The following CDKL5 variants were observed in gnomAD, a reference collection of about 807,000 sequenced individuals.
CDKL5 encodes the protein cyclin dependent kinase like 5.
CDKL5 carries 8 observed loss-of-function variants against 61.7 expected under a neutral mutation model. That is an observed-to-expected ratio of 0.13 (90% CI 0.08 to 0.23). CDKL5 has a LOEUF of 0.23. CDKL5 is among the 10% of genes least tolerant of loss of function. The pLI, the probability that CDKL5 is intolerant of heterozygous loss-of-function variation, is 1.00. For missense variants in CDKL5, 440 were observed against 734.5 expected (o/e 0.60, Z 4.63); for synonymous variants, 275 against 272.3 (o/e 1.01, Z -0.10).
chrX:18,572,452 T>C (rs752925799), intron 4 of CDKL5, among the ~76,000 whole-genome samples: 58 of 112,255 alleles, frequency 5.2e-4, no homozygotes, highest in Non-Finnish European at 1.1e-3. Flanking sequence ...TTATTTTTAT[T>C]TAGGTATTTG....
chrX:18,597,297 T>G (rs1926028013), intron 10 of CDKL5, among the ~76,000 whole-genome samples: 1 of 110,484 alleles, frequency 9.1e-6, no homozygotes. Context: ...AAGAGAAATA[T>G]TCTCTTTGCC....
At chrX:18,491,340 C>T (rs1921989197) in intron 1 of CDKL5, among the ~76,000 whole-genome samples, 1 of 111,768 alleles carries the variant, frequency 8.9e-6, no homozygotes, top group South Asian at 3.7e-4. Context: ...ACTTGGAGAT[C>T]GTCCAACTGA....
intron 8 of CDKL5, among the ~76,000 whole-genome samples, chrX:18,587,080 A>G (rs181867479): frequency 3.9e-4 from 44 of 112,005 alleles, no homozygotes; most frequent in Non-Finnish European, 7.0e-4. Context: ...ATTTCTTTCC[A>G]TATTCTTTTT....
intron 3 of CDKL5, among the ~76,000 whole-genome samples, chrX:18,513,082 C>T (rs1922884727): frequency 8.9e-6 from 1 of 111,790 alleles, no homozygotes; most frequent in South Asian, 3.7e-4. Context: ...ATATATTACA[C>T]ATCATGTACA....
chrX:18,565,766 A>G (rs1296069963), intron 4 of CDKL5, among the ~76,000 whole-genome samples: 1 of 112,439 alleles, frequency 8.9e-6, no homozygotes, highest in African/African-American at 3.2e-5. Context: ...GAACTTTAGC[A>G]GTCATTGTAT....
intron 3 of CDKL5, among the ~76,000 whole-genome samples, chrX:18,539,467 G>T (rs1923948999): frequency 9.0e-6 from 1 of 111,706 alleles, no homozygotes; most frequent in Non-Finnish European, 1.9e-5. Context: ...TTTGACCCAT[G>T]GATTATTTAG....
intron 3 of CDKL5, among the ~76,000 whole-genome samples, chrX:18,524,764 G>T (rs1399961433): frequency 8.9e-6 from 1 of 111,797 alleles, no homozygotes; most frequent in Non-Finnish European, 1.9e-5. Flanking sequence ...GATCCATTTT[G>T]ATTTAGTTTT....
At position 18,558,993 on chromosome X, in the gene CDKL5, A is replaced by G. The variant is rs539014129; in HGVS notation, c.100-5484A>G. Reference sequence around the variant, plus strand: ...CCAGAATGCCACGAGGTAAACAGCTAATGAATGGCATGTGCTCTTCTGGCT... The same window carrying G: ...CCAGAATGCCACGAGGTAAACAGCTGATGAATGGCATGTGCTCTTCTGGCT... On this transcript the variant is annotated intron_variant, in intron 3 of 17. Transcript: ENST00000623535. 7.1e-5 allele frequency among the ~76,000 whole-genome samples: 8 copies of G among 112,499 alleles called. No homozygotes were observed. In the South Asian group the frequency reaches 1.8e-3, roughly 26 times the overall value.
intron 21 of CDKL5, among the ~76,000 whole-genome samples, chrX:18,652,787 C>T (rs898500027): frequency 8.9e-6 from 1 of 112,625 alleles, no homozygotes; most frequent in Non-Finnish European, 1.9e-5. Context: ...CTCATTTCAC[C>T]CTTAGGGAAA....
intron 16 of CDKL5, among the ~76,000 whole-genome samples, chrX:18,624,421 T>A (rs1170017695): frequency 8.9e-6 from 1 of 112,502 alleles, no homozygotes; most frequent in Non-Finnish European, 1.9e-5. Flanking sequence ...GCTAACAGGC[T>A]CCATGAAAAA....
At chrX:18,642,125 G>A (rs61753173), downstream of CDKL5, 8 of 1,211,890 alleles carry the variant, frequency 6.6e-6, no homozygotes, top group East Asian at 5.9e-5. Context: ...GTTCTGAACC[G>A]TGGAGGTGCG....
intron 1 of CDKL5, among the ~76,000 whole-genome samples, chrX:18,495,897 C>T: frequency 8.9e-6 from 1 of 111,948 alleles, no homozygotes; most frequent in East Asian, 2.8e-4. Flanking sequence ...TAATACTTGT[C>T]ACTGTCTGAA....
intron 3 of CDKL5, among the ~76,000 whole-genome samples, chrX:18,531,060 T>C (rs1291895110): frequency 8.9e-6 from 1 of 112,001 alleles, no homozygotes; most frequent in Non-Finnish European, 1.9e-5. Context: ...CTCATTCTTC[T>C]GTAAGACCTG....
chrX:18,472,120 TCTAA>T (rs1330285649), intron 1 of CDKL5, among the ~76,000 whole-genome samples: 2 of 112,289 alleles, frequency 1.8e-5, no homozygotes, highest in Admixed American at 9.5e-5. Flanking sequence ...ATTCATTCTG[TCTAA>T]CTATATTTTT....
intron 1 of CDKL5, among the ~76,000 whole-genome samples, chrX:18,495,452 C>T (rs1922133754): frequency 8.9e-6 from 1 of 112,013 alleles, no homozygotes; most frequent in African/African-American, 3.2e-5. Flanking sequence ...GAGTCAAATC[C>T]AACCTAAAAT....
At chrX:18,506,054 A>G (rs759008427) in intron 1 of CDKL5, among the ~76,000 whole-genome samples, 19 of 112,968 alleles carry the variant, frequency 1.7e-4, no homozygotes, top group Non-Finnish European at 3.2e-4. Context: ...AAAAAATTAT[A>G]TGGGTTATAA....
chrX:18,510,083 G>C (rs903651331), intron 2 of CDKL5, among the ~76,000 whole-genome samples: 4 of 110,795 alleles, frequency 3.6e-5, no homozygotes, highest in Non-Finnish European at 7.6e-5. Context: ...TTCTAGAACA[G>C]ATAATGTATT....
Position 18,585,629 on chromosome X carries a change from G to A in CDKL5, c.554+1276G>A, listed in dbSNP as rs772729650. 1.4e-4 allele frequency among the ~76,000 whole-genome samples: 16 copies of A among 111,405 alleles called. No homozygotes were observed. In the South Asian group the frequency reaches 5.2e-3, roughly 37 times the overall value. On this transcript the variant is annotated intron_variant, in intron 8 of 17. Coordinates refer to ENST00000623535, the MANE Select transcript of CDKL5 (RefSeq NM_001323289.2). ...TTCTGATAAGGTTCTTTTCTTTTTA[G>A]TACATTTTAACTTTAAAGCCTAAGA...
intron 20 of CDKL5, among the ~76,000 whole-genome samples, chrX:18,649,008 A>G (rs1217802470): frequency 2.9e-5 from 3 of 103,368 alleles, no homozygotes. Context: ...TGATCACACC[A>G]CTGCATTCCA....
Sources: gnomAD v4.1 joint callset for allele counts (sites outside exome capture counted in the v4.1 genomes callset) on GRCh38, gnomAD v4.1.1 for gene constraint, MANE v1.5 for transcripts, NCBI Gene and HGNC (gene_info 2026-07-23, HGNC 2026-07-21) for gene names.